Variants in ZNF574 observed in about 807,000 individuals in gnomAD.
ZNF574 encodes zinc finger protein 574.
Under a neutral mutation model 56.6 loss-of-function variants are expected in ZNF574, and 25 were observed. The observed-to-expected ratio is 0.44, with a 90% CI of 0.32 to 0.62. The LOEUF (loss-of-function observed/expected upper bound fraction) is 0.62, where lower values mean the gene tolerates loss of function less well. Ranked by LOEUF, ZNF574 falls within the 20% of genes least tolerant of loss-of-function variation. The probability of loss-of-function intolerance (pLI) is 0.04; values close to 1 mark genes in which losing one functional copy is unlikely to be tolerated. For missense variants in ZNF574, 1,065 were observed against 1,218.9 expected (o/e 0.87, Z 1.88); for synonymous variants, 543 against 492.1 (o/e 1.10, Z -1.37).
At position 42,081,360 on chromosome 19, in the gene ZNF574, T is replaced by C. The variant is rs754452918; in HGVS notation, c.*63T>C. The C allele has an allele frequency of 1.3e-6, 2 of 1,592,932 alleles. No individual in the cohort carries two copies. Among genetic ancestry groups the C allele is most frequent in the African/African-American group, 2.7e-5 (2 of 74,528 alleles). ...TTGCTGAAGGCCCTCCAGCATCCCC[T>C]TAAGCATCTGTACATACTGTGTCCC... On this transcript the variant is annotated 3_prime_UTR_variant, in exon 2 of 2. Transcript: ENST00000359044.
At chr19:42,069,650 C>A (rs1308494220) in intron 1 of ZNF574, among the ~76,000 whole-genome samples, 2 of 146,156 alleles carry the variant, frequency 1.4e-5, no homozygotes, top group Admixed American at 1.4e-4. Flanking sequence ...GCCGGGCCGG[C>A]CTGGGGGGGC....
Position 42,078,602 on chromosome 19 carries a change from C to T in ZNF574, c.-5C>T, listed in dbSNP as rs1239860993. ...CCTCTTCCAGCCCAGGGCCTTGCTG[C>T]CGCCATGACTGAGGAATCAGAGGAG... On this transcript the variant is annotated 5_prime_UTR_variant, in exon 2 of 2. Transcript: ENST00000359044. 1 of 1,604,454 alleles carries T rather than the reference C, an allele frequency of 6.2e-7. No individual in the cohort carries two copies. Among genetic ancestry groups the T allele is most frequent in the African/African-American group, 1.3e-5 (1 of 74,816 alleles).
chr19:42,079,464 G>C lies in ZNF574; in HGVS notation c.858G>C (p.Arg286=), dbSNP rs2076479972. Residue 286 remains arginine (R), a synonymous_variant, in exon 2 of 2, where the codon CGG becomes CGC. Transcript: ENST00000359044. This position sits in a 1 kb window ranked among gnomAD's most constrained non-coding sequence, Gnocchi z 4.3. ...YELRNGEAIG[R]DRRGRRARRN... Reference sequence around the variant, plus strand: ...TGCGCAATGGTGAAGCCATTGGGCGGGATCGCCGGGGGCGCAGGGCCCGGA... The same window carrying C: ...TGCGCAATGGTGAAGCCATTGGGCGCGATCGCCGGGGGCGCAGGGCCCGGA... 1 of 1,613,594 alleles carries C rather than the reference G, an allele frequency of 6.2e-7. No homozygotes were observed. The highest frequency in any genetic ancestry group is 8.5e-7 in the Non-Finnish European group (1 of 1,180,022).
chr19:42,074,554 T>C (rs556426101), upstream of ZNF574: 5 of 152,274 alleles, frequency 3.3e-5, no homozygotes, highest in South Asian at 1.0e-3. Context: ...TCACATGAGA[T>C]GAAATGGGGC....
upstream of ZNF574, among the ~76,000 whole-genome samples, chr19:42,072,240 T>C (rs887686914): frequency 1.3e-5 from 2 of 148,422 alleles, no homozygotes; most frequent in African/African-American, 5.0e-5. Flanking sequence ...CCTTTTCTTT[T>C]TTTTTTTTTT....
Position 42,080,455 on chromosome 19 carries a change from TTGC to T in ZNF574, c.1853_1855del (p.Leu618del). 6.2e-7 allele frequency: 1 copy of T among 1,614,162 alleles called. No homozygotes were observed. The highest frequency in any genetic ancestry group is 8.5e-7 in the Non-Finnish European group (1 of 1,180,032). ...GTGTCGCGAGTGCCCCCGCTCCTTC[TTGC>T]TGCGTCGGCTGCTGGAGGTGCACCA... On this transcript the variant is annotated inframe_deletion, in exon 2 of 2. Transcript: ENST00000359044. This position sits in a 1 kb window ranked among gnomAD's most constrained non-coding sequence, Gnocchi z 8.5.
In ZNF574 at chr19:42,080,337, C is replaced by G; in HGVS notation, c.1731C>G (p.Phe577Leu). Residue 577 changes from phenylalanine to leucine, a missense_variant, in exon 2 of 2, where the codon TTC (phenylalanine) becomes TTG (leucine). Coordinates refer to ENST00000359044, the MANE Select transcript of ZNF574 (RefSeq NM_022752.6). The surrounding 1 kb of genome is among the most constrained non-coding windows in gnomAD (Gnocchi z 8.5). ...RQHRLVHAQH[F>L]PYRCQECGVR... is the part of the protein sequence containing the mutation. ...ACCGCTTGGTGCATGCCCAGCACTTCCCCTACCGCTGCCAGGAATGTGGGG... is the reference window on the plus strand; with the variant it reads ...ACCGCTTGGTGCATGCCCAGCACTTGCCCTACCGCTGCCAGGAATGTGGGG... 6.2e-7 allele frequency: 1 copy of G among 1,614,204 alleles called. No individual in the cohort carries two copies. The highest frequency in any genetic ancestry group is 8.5e-7 in the Non-Finnish European group (1 of 1,180,024).
At position 42,081,444 on chromosome 19, in the gene ZNF574, G is replaced by A; in HGVS notation, c.*147G>A. 8.9e-7 allele frequency: 1 copy of A among 1,128,374 alleles called. No individual in the cohort carries two copies. The highest frequency in any genetic ancestry group is 1.3e-6 in the Non-Finnish European group (1 of 767,462). The allele number at this position is 1,128,374 out of a possible 1,614,324, so 69.9% of individuals were successfully genotyped here. On this transcript the variant is annotated 3_prime_UTR_variant, in exon 2 of 2. Transcript: ENST00000359044. ...TAAATTGGATTTATTCTCTCGTGAG[G>A]GGGGTGCTCTGGGGTCCTTGACACA...
At position 42,079,969 on chromosome 19, in the gene ZNF574, G is replaced by A. The variant is rs1830540626; in HGVS notation, c.1363G>A (p.Glu455Lys). ...PEAPEPPVSE[E>K]TSAGPAAPGT... ...GGCCCCTGAGCCCCCTGTGTCTGAG[G>A]AGACCTCAGCAGGGCCCGCTGCCCC... Residue 455 changes from glutamate (E) to lysine (K), a missense_variant, in exon 2 of 2, where the codon GAG (glutamate) becomes AAG (lysine). Coordinates refer to ENST00000359044, the MANE Select transcript of ZNF574 (RefSeq NM_022752.6). This position sits in a 1 kb window ranked among gnomAD's most constrained non-coding sequence, Gnocchi z 4.3. 2 of 1,613,868 alleles carry A rather than the reference G, an allele frequency of 1.2e-6. No individual in the cohort carries two copies. The highest frequency in any genetic ancestry group is 2.7e-5 in the African/African-American group (2 of 75,030).
chr19:42,072,513 G>A (rs1476921378), upstream of ZNF574, among the ~76,000 whole-genome samples: 1 of 151,730 alleles, frequency 6.6e-6, no homozygotes, highest in African/African-American at 2.4e-5. Flanking sequence ...TGGGATTACA[G>A]GCGCAAGCCA....
upstream of ZNF574, among the ~76,000 whole-genome samples, chr19:42,074,204 C>A (rs1383408822): frequency 5.3e-5 from 8 of 151,500 alleles, no homozygotes; most frequent in African/African-American, 1.9e-4. Context: ...CGCCTGTAAT[C>A]CCAGCACTTT....
At chr19:42,074,218 A>G (rs2076442360), upstream of ZNF574, among the ~76,000 whole-genome samples, 1 of 151,988 alleles carries the variant, frequency 6.6e-6, no homozygotes, top group African/African-American at 2.4e-5. Flanking sequence ...GCACTTTGGG[A>G]AGCCAAGGCA....
At position 42,080,326 on chromosome 19, in the gene ZNF574, G is replaced by T; in HGVS notation, c.1720G>T (p.Ala574Ser). The T allele has an allele frequency of 6.2e-7, 1 of 1,614,158 alleles. No individual in the cohort carries two copies. Residue 574 changes from alanine to serine, a missense_variant, in exon 2 of 2, where the codon GCC becomes TCC. By Grantham distance (99) the Ala-to-Ser change is moderately conservative. Coordinates refer to ENST00000359044, the MANE Select transcript of ZNF574 (RefSeq NM_022752.6). The surrounding 1 kb of genome is among the most constrained non-coding windows in gnomAD (Gnocchi z 8.5). ...ACTGAGGCAGCACCGCTTGGTGCAT[G>T]CCCAGCACTTCCCCTACCGCTGCCA... The part of the protein sequence containing the change: ...STLRQHRLVH[A>S]QHFPYRCQEC...
At chr19:42,073,259 A>G (rs1205242733), upstream of ZNF574, among the ~76,000 whole-genome samples, 2 of 152,222 alleles carry the variant, frequency 1.3e-5, no homozygotes, top group East Asian at 1.9e-4. Flanking sequence ...TCAGCATGAC[A>G]GTTTCTCTCT....
rs780884334 is a variant in ZNF574, at chr19:42,080,398, C to T, written c.1792C>T (p.Arg598Cys). The change falls in exon 2 of 2, where the codon CGC becomes TGC. Residue 598 changes from arginine to cysteine, a missense_variant. Transcript: ENST00000359044. The surrounding 1 kb of genome is among the most constrained non-coding windows in gnomAD (Gnocchi z 8.5). Reference sequence around the variant, plus strand: ...CCGTCCTTACCGCCTGCTCATGCACCGCTACCATCACACAGGTGAATACCC... The same window carrying T: ...CCGTCCTTACCGCCTGCTCATGCACTGCTACCATCACACAGGTGAATACCC... Reference protein sequence around the residue: ...FHRPYRLLMHRYHHTGEYPYK... With the variant: ...FHRPYRLLMHCYHHTGEYPYK... 3.2e-5 allele frequency: 51 copies of T among 1,614,118 alleles called. No individual in the cohort carries two copies. Among genetic ancestry groups the T allele is most frequent in the Non-Finnish European group, 3.9e-5 (46 of 1,180,050 alleles).
In ZNF574 at chr19:42,079,794, T is replaced by C; in HGVS notation, c.1188T>C (p.Cys396=). The change falls in exon 2 of 2, where the codon TGT becomes TGC. Residue 396 remains cysteine (C), a synonymous_variant. Transcript: ENST00000359044. This position sits in a 1 kb window ranked among gnomAD's most constrained non-coding sequence, Gnocchi z 4.3. The stretch of plus-strand genomic sequence containing the variant: ...CGAATCCTCTGCATTCATGTCCATG[T>C]GGGAAGACCTTTGTCAACCTTACCA... ...HTPNPLHSCP[C]GKTFVNLTKF... 1 of 1,614,128 alleles carries C rather than the reference T, an allele frequency of 6.2e-7. No homozygotes were observed. Among genetic ancestry groups the C allele is most frequent in the Non-Finnish European group, 8.5e-7 (1 of 1,180,024 alleles).
chr19:42,079,203 T>C lies in ZNF574; in HGVS notation c.597T>C (p.Ala199=). Residue 199 remains alanine (A), a synonymous_variant, in exon 2 of 2, where the codon GCT becomes GCC. Coordinates refer to ENST00000359044, the MANE Select transcript of ZNF574 (RefSeq NM_022752.6). This position sits in a 1 kb window ranked among gnomAD's most constrained non-coding sequence, Gnocchi z 4.3. ...GGEGATVPSA[A]ATTTEVVTEV... ...AAGGGGCGACTGTCCCATCTGCCGCTGCCACCACCACTGAGGTAGTGACTG... is the reference window on the plus strand; with the variant it reads ...AAGGGGCGACTGTCCCATCTGCCGCCGCCACCACCACTGAGGTAGTGACTG... 6.2e-7 allele frequency: 1 copy of C among 1,614,004 alleles called. No homozygotes were observed. Among genetic ancestry groups the C allele is most frequent in the Non-Finnish European group, 8.5e-7 (1 of 1,180,018 alleles).
At chr19:42,074,582 G>A (rs2076444550), upstream of ZNF574, 3 of 152,158 alleles carry the variant, frequency 2.0e-5, no homozygotes, top group South Asian at 6.4e-4. Context: ...AAATGGGGCT[G>A]TTATTAGCCC....
In ZNF574 at chr19:42,080,316, C is replaced by T. The variant is rs909169509; in HGVS notation, c.1710C>T (p.Arg570=). The change falls in exon 2 of 2, where the codon CGC becomes CGT. Residue 570 remains arginine (R), a synonymous_variant. Transcript: ENST00000359044. This position sits in a 1 kb window ranked among gnomAD's most constrained non-coding sequence, Gnocchi z 8.5. ...FTQSSTLRQH[R]LVHAQHFPYR... is the part of the protein sequence containing the mutation. ...AAAGCTCCACACTGAGGCAGCACCG[C>T]TTGGTGCATGCCCAGCACTTCCCCT... is the stretch of plus-strand genomic sequence containing the variant. 2 of 1,614,198 alleles carry T rather than the reference C, an allele frequency of 1.2e-6. No individual in the cohort carries two copies. The highest frequency in any genetic ancestry group is 8.5e-7 in the Non-Finnish European group (1 of 1,180,030).
Sources: gnomAD v4.1 joint callset for allele counts (sites outside exome capture counted in the v4.1 genomes callset) on GRCh38, gnomAD v4.1.1 for gene constraint, Gnocchi (gnomAD v3.1) non-coding constraint, MANE v1.5 for transcripts, NCBI Gene and HGNC (gene_info 2026-07-23, HGNC 2026-07-21) for gene names.